The following TM6SF1 variants were observed in gnomAD, a reference collection of about 807,000 sequenced individuals.
TM6SF1 encodes the protein transmembrane 6 superfamily member 1.
TM6SF1 carries 43 observed loss-of-function variants against 47.1 expected under a neutral mutation model. The ratio of observed to expected loss-of-function variants is 0.91; its 90% CI spans 0.72 to 1.18. The LOEUF (loss-of-function observed/expected upper bound fraction) is 1.18. Ranked by LOEUF, TM6SF1 falls within the 50% of genes most tolerant of loss-of-function variation. The probability of loss-of-function intolerance (pLI) is 0.00; values close to 1 mark genes in which losing one functional copy is unlikely to be tolerated. For synonymous variants in TM6SF1, 177 were observed against 166.3 expected (o/e 1.06, Z -0.49); for missense variants, 390 against 449.0 (o/e 0.87, Z 1.19).
At chr15:83,111,501 A>C (rs1192179889) in intron 1 of TM6SF1, 1 of 385,860 alleles carries the variant, frequency 2.6e-6, no homozygotes, top group South Asian at 1.0e-4. Context: ...TCATCCATCC[A>C]TCTATCCATC....
chr15:83,122,766 GA>G lies in TM6SF1; in HGVS notation c.493del (p.Thr165HisfsTer9). ...FVPGNIVGKY[G>X]TRICPAFFLS... Reference sequence around the variant, plus strand: ...TCTCTCTTTTAAATAGGGAAGTATGGAACACGAATTTGCCCTGCTTTTTTCT... The same window carrying G: ...TCTCTCTTTTAAATAGGGAAGTATGGACACGAATTTGCCCTGCTTTTTTCT... On this transcript the variant is annotated frameshift_variant, in exon 6 of 10. Transcript: ENST00000322019. LOFTEE classifies it high-confidence loss of function. 6.2e-7 allele frequency: 1 copy of G among 1,613,792 alleles called. No homozygotes were observed. Among genetic ancestry groups the G allele is most frequent in the Non-Finnish European group, 8.5e-7 (1 of 1,179,946 alleles).
intron 6 of TM6SF1, among the ~76,000 whole-genome samples, 190 bp from the exon 7 acceptor site, chr15:83,124,482 A>G (rs1440670742): frequency 3.3e-5 from 5 of 152,194 alleles, no homozygotes; most frequent in Non-Finnish European, 7.3e-5. Flanking sequence ...CAAATTCTTC[A>G]TTTCACAGAT....
intron 7 of TM6SF1, among the ~76,000 whole-genome samples, chr15:83,126,082 G>A (rs2035723063): frequency 6.6e-6 from 1 of 152,210 alleles, no homozygotes; most frequent in Admixed American, 6.5e-5. Context: ...ATGTGTGCAT[G>A]TGTGGGGGTG....
intron 1 of TM6SF1, among the ~76,000 whole-genome samples, chr15:83,109,931 C>G (rs2033994924): frequency 6.6e-6 from 1 of 152,184 alleles, no homozygotes; most frequent in African/African-American, 2.4e-5. Flanking sequence ...CCCTCTCTCT[C>G]CTTTGAGCTC....
At chr15:83,118,260 CACACAT>C (rs1448692609) in intron 3 of TM6SF1, among the ~76,000 whole-genome samples, 3 of 141,008 alleles carry the variant, frequency 2.1e-5, no homozygotes, top group East Asian at 4.0e-4. Flanking sequence ...CACACACACA[CACACAT>C]ACAGAGAGAG....
At chr15:83,124,229 A>G (rs1319754508) in intron 6 of TM6SF1, among the ~76,000 whole-genome samples, 1 of 152,196 alleles carries the variant, frequency 6.6e-6, no homozygotes, top group African/African-American at 2.4e-5. Flanking sequence ...ATACAGGAAT[A>G]ATTTTATATA....
At chr15:83,110,685 C>T (rs1291626808) in intron 1 of TM6SF1, among the ~76,000 whole-genome samples, 1 of 152,122 alleles carries the variant, frequency 6.6e-6, no homozygotes, top group Non-Finnish European at 1.5e-5. Flanking sequence ...CCCACCTCTT[C>T]CCTCATGGGA....
intron 9 of TM6SF1, 134 bp from the exon 10 acceptor site, chr15:83,136,347 A>G: frequency 1.7e-6 from 1 of 577,028 alleles, no homozygotes; most frequent in South Asian, 3.6e-5. Context: ...GGATTGTTTG[A>G]AGGTATTTTG....
intron 5 of TM6SF1, 147 bp from the exon 6 acceptor site, chr15:83,122,610 A>T: frequency 1.3e-6 from 1 of 789,726 alleles, no homozygotes; most frequent in Non-Finnish European, 2.0e-6. Context: ...CTAGTATTTT[A>T]AATTGACCTT....
chr15:83,110,204 G>C (rs2034020461), intron 1 of TM6SF1, among the ~76,000 whole-genome samples: 1 of 152,126 alleles, frequency 6.6e-6, no homozygotes, highest in Admixed American at 6.5e-5. Flanking sequence ...CTCTCACTGA[G>C]AGAGACACAC....
rs1194805803 is a variant in TM6SF1 at position 83,108,017 on chromosome 15, C to T, written c.92+245C>T. 3 of 745,420 alleles carry T rather than the reference C, an allele frequency of 4.0e-6. No homozygotes were observed. In the Admixed American group the frequency reaches 1.4e-4, roughly 34 times the overall value. The allele number at this position is 745,420 out of a possible 1,614,324, so 46.2% of individuals were successfully genotyped here. ...CATTTCGGGATGTTGGTGCCAGCAC[C>T]GCGCCAGGTGCCCGGGGTCACAGGC... On this transcript the variant is annotated intron_variant, in intron 1 of 9. Coordinates refer to ENST00000322019, the MANE Select transcript of TM6SF1 (RefSeq NM_023003.5).
At chr15:83,119,352 A>G (rs768475321) in intron 3 of TM6SF1, among the ~76,000 whole-genome samples, 15 of 152,224 alleles carry the variant, frequency 9.9e-5, no homozygotes, top group Non-Finnish European at 2.1e-4. Flanking sequence ...TCATGGGCCA[A>G]TTGGCCAGGC....
intron 1 of TM6SF1, among the ~76,000 whole-genome samples, chr15:83,111,403 T>C (rs1327638730): frequency 6.6e-6 from 1 of 151,924 alleles, no homozygotes; most frequent in African/African-American, 2.4e-5. Flanking sequence ...CATTCACCCA[T>C]CATCCATCCA....
chr15:83,109,073 A>T (rs528261622), intron 1 of TM6SF1, among the ~76,000 whole-genome samples: 4 of 152,386 alleles, frequency 2.6e-5, no homozygotes, highest in African/African-American at 9.6e-5. Context: ...GCTATGAACA[A>T]GCCAGAAGAG....
chr15:83,126,423 T>A (rs985359373), intron 7 of TM6SF1, among the ~76,000 whole-genome samples: 8 of 152,176 alleles, frequency 5.3e-5, no homozygotes, highest in African/African-American at 1.9e-4. Flanking sequence ...CTGTAGGGAA[T>A]AGGGGGCTAG....
rs191458152 is a variant in TM6SF1 at position 83,136,884 on chromosome 15, A to C, written c.*212A>C. 1.3e-4 allele frequency: 50 copies of C among 376,174 alleles called. No homozygotes were observed. The highest frequency in any genetic ancestry group is 1.0e-4 in the Non-Finnish European group (21 of 209,248). 23.3% of individuals were successfully genotyped at this position (376,174 alleles called of 1,614,324 possible). Reference sequence around the variant, plus strand: ...AGAAACAGTTTGTTTAAAGAAATATATTCAAAATCATTTGTGAATAAACTT... The same window carrying C: ...AGAAACAGTTTGTTTAAAGAAATATCTTCAAAATCATTTGTGAATAAACTT... On this transcript the variant is annotated 3_prime_UTR_variant, in exon 10 of 10. Coordinates refer to ENST00000322019, the MANE Select transcript of TM6SF1 (RefSeq NM_023003.5).
chr15:83,109,587 G>A (rs1484948490), intron 1 of TM6SF1, among the ~76,000 whole-genome samples: 5 of 152,080 alleles, frequency 3.3e-5, no homozygotes, highest in Admixed American at 2.6e-4. Flanking sequence ...CCTACTGTCT[G>A]CTTCCCCATA....
intron 3 of TM6SF1, among the ~76,000 whole-genome samples, chr15:83,117,565 G>A (rs2034787120): frequency 6.6e-6 from 1 of 152,166 alleles, no homozygotes; most frequent in South Asian, 2.1e-4. Flanking sequence ...GCCCAGAGGA[G>A]GGAGGTTTTA....
chr15:83,135,509 G>C (rs1306966401), intron 9 of TM6SF1: 3 of 152,140 alleles, frequency 2.0e-5, no homozygotes, highest in Admixed American at 2.0e-4. Context: ...AGCAAGATAT[G>C]AAAATGCAGA....
Sources: gnomAD v4.1 joint callset for allele counts (sites outside exome capture counted in the v4.1 genomes callset) on GRCh38, gnomAD v4.1.1 for gene constraint, MANE v1.5 for transcripts, NCBI Gene and HGNC (gene_info 2026-07-23, HGNC 2026-07-21) for gene names.